DNER: variants seen among roughly 807,000 people sequenced by gnomAD.
The protein encoded by DNER is delta/notch like EGF repeat containing.
Under a neutral mutation model 78.2 loss-of-function variants are expected in DNER, and 33 were observed. The ratio of observed to expected loss-of-function variants is 0.42; its 90% CI spans 0.32 to 0.56. The LOEUF is 0.56. Ranked by LOEUF, DNER falls within the 20% of genes least tolerant of loss-of-function variation. DNER has a pLI of 0.11. For synonymous variants in DNER, 417 were observed against 384.8 expected (o/e 1.08, Z -0.98); for missense variants, 918 against 975.3 (o/e 0.94, Z 0.78).
chr2:229,489,503 C>T lies in DNER; in HGVS notation c.1148-12250G>A, dbSNP rs142917608. Among the ~76,000 whole-genome samples the T allele has an allele frequency of 7.1e-3, 888 of 125,672 alleles. 6 individuals carry two copies. Among genetic ancestry groups the T allele is most frequent in the African/African-American group, 0.026 (853 of 32,338 alleles). The allele number at this position is 125,672 out of a possible 152,430, so 82.4% of individuals were successfully genotyped here. A position where few individuals can be genotyped will look rare whatever the true frequency, so the allele number is the denominator to read the frequency against. On this transcript the variant is annotated intron_variant, in intron 6 of 12. Coordinates refer to ENST00000341772, the MANE Select transcript of DNER (RefSeq NM_139072.4). ...AACATGACTGGGTGGGTGTGGGGGG[C>T]GCGGACAGAGGGAAGGAAGGTGGTG...
chr2:229,394,468 T>TG (rs1693088845), intron 10 of DNER, among the ~76,000 whole-genome samples: 2 of 152,308 alleles, frequency 1.3e-5, no homozygotes, highest in East Asian at 3.9e-4. Context: ...CCTCAGACTT[T>TG]GGGGGCAGGT....
At position 229,419,737 on chromosome 2, in the gene DNER, T is replaced by C. The variant is rs374886631; in HGVS notation, c.1487-1507A>G. On this transcript the variant is annotated intron_variant, in intron 8 of 12. Coordinates refer to ENST00000341772, the MANE Select transcript of DNER (RefSeq NM_139072.4). ...AGTTTTCAATTCTTCTGAAAAGTAG[T>C]ATGTTACCCTACTTTTTGTAACTTT... 9.2e-5 allele frequency among the ~76,000 whole-genome samples: 14 copies of C among 152,162 alleles called. No individual in the cohort carries two copies. In the East Asian group the frequency reaches 1.7e-3, roughly 19 times the overall value.
chr2:229,642,731 A>G (rs1698648254), intron 1 of DNER, among the ~76,000 whole-genome samples: 1 of 152,218 alleles, frequency 6.6e-6, no homozygotes, highest in African/African-American at 2.4e-5. Context: ...AGATATTTGC[A>G]ATAAAATCCA....
At chr2:229,395,735 C>T (rs1342875499) in intron 10 of DNER, among the ~76,000 whole-genome samples, 1 of 152,056 alleles carries the variant, frequency 6.6e-6, no homozygotes, top group African/African-American at 2.4e-5. Flanking sequence ...CCCATCTCTA[C>T]TAAAACTACA....
intron 4 of DNER, among the ~76,000 whole-genome samples, chr2:229,555,403 C>G (rs1020881391): frequency 1.6e-4 from 25 of 152,130 alleles, no homozygotes; most frequent in African/African-American, 5.8e-4. Flanking sequence ...CACAATGCCC[C>G]CTTTGTCTGG....
At position 229,591,917 on chromosome 2, in the gene DNER, A is replaced by C; in HGVS notation, c.277-29T>G. The C allele has an allele frequency of 6.8e-7, 1 of 1,475,128 alleles. No individual in the cohort carries two copies. The highest frequency in any genetic ancestry group is 9.0e-7 in the Non-Finnish European group (1 of 1,115,984). The allele number at this position is 1,475,128 out of a possible 1,614,324, so 91.4% of individuals were successfully genotyped here. ...AAACGAGACCATAAATGGGTCAATT[A>C]TTCCCTCATAAGAAAAGTGGTGCCA... On this transcript the variant is annotated intron_variant, in intron 1 of 12. Coordinates refer to ENST00000341772, the MANE Select transcript of DNER (RefSeq NM_139072.4). The surrounding 1 kb of genome is among the most constrained non-coding windows in gnomAD (Gnocchi z 4.6).
At chr2:229,685,080 A>T (rs192056653) in intron 1 of DNER, among the ~76,000 whole-genome samples, 20 of 152,286 alleles carry the variant, frequency 1.3e-4, no homozygotes, top group Admixed American at 1.2e-3. Flanking sequence ...ATTTTTTTCC[A>T]TCCACCAGGA....
At chr2:229,564,767 A>G (rs915305594) in intron 4 of DNER, among the ~76,000 whole-genome samples, 2 of 152,116 alleles carry the variant, frequency 1.3e-5, no homozygotes, top group African/African-American at 2.4e-5. Context: ...TAAGCAACCA[A>G]CATGTATTTA....
Position 229,407,403 on chromosome 2 carries a change from C to T in DNER, c.1610-58G>A. 3.3e-6 allele frequency: 5 copies of T among 1,505,672 alleles called. No individual in the cohort carries two copies. In the East Asian group the frequency reaches 9.2e-5, roughly 28 times the overall value. 93.3% of individuals were successfully genotyped at this position (1,505,672 alleles called of 1,614,324 possible). On this transcript the variant is annotated intron_variant, in intron 9 of 12. Coordinates refer to ENST00000341772, the MANE Select transcript of DNER (RefSeq NM_139072.4). ...TCCAGGACTCTCTGGCTCCCATGGC[C>T]TCTGAAAGCAAAGTCGGAACTCTCT...
intron 1 of DNER, among the ~76,000 whole-genome samples, chr2:229,672,424 A>C (rs1699225766): frequency 6.6e-6 from 1 of 151,342 alleles, no homozygotes; most frequent in Non-Finnish European, 1.5e-5. Flanking sequence ...GAGAGAGAGA[A>C]AGAGAGGAAA....
chr2:229,634,656 G>A (rs186653078), intron 1 of DNER, among the ~76,000 whole-genome samples: 10 of 152,306 alleles, frequency 6.6e-5, no homozygotes, highest in Non-Finnish European at 1.3e-4. Flanking sequence ...TTGGCATTTA[G>A]TGCCATTTCA....
chr2:229,440,424 C>A (rs1056617723), intron 8 of DNER, among the ~76,000 whole-genome samples: 3 of 152,178 alleles, frequency 2.0e-5, no homozygotes, highest in African/African-American at 7.2e-5. Flanking sequence ...ACCGCCCTCA[C>A]CCTGCAACCT....
chr2:229,480,849 C>T (rs904664634), intron 6 of DNER, among the ~76,000 whole-genome samples: 2 of 152,180 alleles, frequency 1.3e-5, no homozygotes, highest in Non-Finnish European at 1.5e-5. Context: ...TTTGAAAACA[C>T]AGGAAACATG....
chr2:229,553,628 G>A (rs968732593), intron 4 of DNER, among the ~76,000 whole-genome samples: 2 of 152,188 alleles, frequency 1.3e-5, no homozygotes, highest in African/African-American at 2.4e-5. Context: ...CCATGCCAGC[G>A]CAGGTGGGTT....
intron 4 of DNER, among the ~76,000 whole-genome samples, chr2:229,579,943 A>G (rs1697365450): frequency 6.6e-6 from 1 of 152,214 alleles, no homozygotes; most frequent in African/African-American, 2.4e-5. Context: ...GCACCAGGAC[A>G]GTCTTACTAC....
chr2:229,596,913 A>T (rs1222139834), intron 1 of DNER, among the ~76,000 whole-genome samples: 3 of 152,258 alleles, frequency 2.0e-5, no homozygotes, highest in Non-Finnish European at 4.4e-5. Flanking sequence ...TGGAGTGTGT[A>T]TGCACACACA....
Position 229,358,368 on chromosome 2 carries a change from T to A in DNER, c.*172A>T, listed in dbSNP as rs1444054108. On this transcript the variant is annotated 3_prime_UTR_variant, in exon 13 of 13. Coordinates refer to ENST00000341772, the MANE Select transcript of DNER (RefSeq NM_139072.4). ...ACATCGTCTATAGGTTTCACAAATTTTGTTTTTAAAATATTTTTTCCAAAC... is the reference window on the plus strand; with the variant it reads ...ACATCGTCTATAGGTTTCACAAATTATGTTTTTAAAATATTTTTTCCAAAC... 4 of 537,954 alleles carry A rather than the reference T, an allele frequency of 7.4e-6. No homozygotes were observed. Among genetic ancestry groups the A allele is most frequent in the Non-Finnish European group, 6.3e-6 (2 of 315,746 alleles). The allele number at this position is 537,954 out of a possible 1,614,324, so 33.3% of individuals were successfully genotyped here.
At chr2:229,511,633 CAAG>C (rs1482418880) in intron 6 of DNER, among the ~76,000 whole-genome samples, 1 of 152,162 alleles carries the variant, frequency 6.6e-6, no homozygotes, top group Non-Finnish European at 1.5e-5. Flanking sequence ...TTAATATAAA[CAAG>C]AAGATTAGGT....
chr2:229,538,053 T>C (rs1303286779), intron 5 of DNER, among the ~76,000 whole-genome samples: 1 of 152,200 alleles, frequency 6.6e-6, no homozygotes, highest in Non-Finnish European at 1.5e-5. Flanking sequence ...AGGCTTATTC[T>C]TTACTCGTTA....
Sources: gnomAD v4.1 joint callset for allele counts (sites outside exome capture counted in the v4.1 genomes callset) on GRCh38, gnomAD v4.1.1 for gene constraint, Gnocchi (gnomAD v3.1) non-coding constraint, MANE v1.5 for transcripts, NCBI Gene and HGNC (gene_info 2026-07-23, HGNC 2026-07-21) for gene names.